The following FARS2 variants were observed in gnomAD, a reference collection of about 807,000 sequenced individuals.
The protein encoded by FARS2 is phenylalanyl-tRNA synthetase 2, mitochondrial, also known as phenylalanine--tRNA ligase, mitochondrial.
A neutral mutation model predicts 46.4 loss-of-function variants in FARS2; 40 were observed. The observed-to-expected ratio is 0.86, with a 90% confidence interval of 0.67 to 1.12. The LOEUF is 1.12. FARS2 is among the 50% of genes most tolerant of loss of function. The pLI, the probability that FARS2 is intolerant of heterozygous loss-of-function variation, is 0.00. For synonymous variants in FARS2, 234 were observed against 214.9 expected, an observed-to-expected ratio of 1.09 and a Z score of -0.78; for missense variants, 513 against 567.9, an observed-to-expected ratio of 0.90 and a Z score of 0.98.
At chr6:5,303,560 G>T (rs921307572) in intron 1 of FARS2, among the ~76,000 whole-genome samples, 1 of 151,972 alleles carries the variant, frequency 6.6e-6, no homozygotes, top group Non-Finnish European at 1.5e-5. Flanking sequence ...CCCTCCCCAC[G>T]ACTCTGTTTC....
chr6:5,582,560 C>T (rs1225054763), intron 5 of FARS2, among the ~76,000 whole-genome samples: 3 of 152,186 alleles, frequency 2.0e-5, no homozygotes, highest in African/African-American at 7.2e-5. Context: ...GTGGCCCATA[C>T]GAAATTGCTT....
intron 5 of FARS2, among the ~76,000 whole-genome samples, chr6:5,545,618 C>A (rs558421191): frequency 6.6e-6 from 1 of 152,148 alleles, no homozygotes; most frequent in East Asian, 1.9e-4. Context: ...TTGCCTGCCA[C>A]CCCGCAACAG....
At chr6:5,269,097 A>G (rs573893504) in intron 1 of FARS2, among the ~76,000 whole-genome samples, 2 of 152,328 alleles carry the variant, frequency 1.3e-5, no homozygotes, top group East Asian at 3.9e-4. Flanking sequence ...CCAAATGTCC[A>G]TCAATGATAG....
intron 1 of FARS2, among the ~76,000 whole-genome samples, chr6:5,341,606 T>A (rs1368429337): frequency 6.6e-6 from 1 of 151,664 alleles, no homozygotes; most frequent in Non-Finnish European, 1.5e-5. Context: ...ACAACCTCCA[T>A]CTCTCAGGTT....
intron 3 of FARS2, among the ~76,000 whole-genome samples, chr6:5,421,092 T>A (rs1282424196): frequency 1.3e-5 from 2 of 152,214 alleles, no homozygotes; most frequent in Non-Finnish European, 2.9e-5. Flanking sequence ...TGCCTGGGCA[T>A]CCAGGCATTT....
At chr6:5,500,425 A>T (rs1767722923) in intron 4 of FARS2, among the ~76,000 whole-genome samples, 1 of 152,212 alleles carries the variant, frequency 6.6e-6, no homozygotes, top group Non-Finnish European at 1.5e-5. Context: ...GAGGAGGAAG[A>T]CACCACATTA....
intron 4 of FARS2, 61 bp from the exon 5 acceptor site, chr6:5,545,119 G>A (rs1434844311): frequency 5.9e-6 from 9 of 1,515,654 alleles, no homozygotes; most frequent in Middle Eastern, 3.8e-4. Context: ...GTCAGGGAGT[G>A]GTATGAACCT....
At chr6:5,653,318 C>A (rs1000037523) in intron 6 of FARS2, among the ~76,000 whole-genome samples, 1 of 152,174 alleles carries the variant, frequency 6.6e-6, no homozygotes, top group Non-Finnish European at 1.5e-5. Context: ...GTACACTGAT[C>A]TACTGTAATC....
chr6:5,377,130 C>T (rs2127660562), intron 2 of FARS2, among the ~76,000 whole-genome samples: 1 of 152,332 alleles, frequency 6.6e-6, no homozygotes, highest in Non-Finnish European at 1.5e-5. Flanking sequence ...AAGTATTTGG[C>T]AGGCCCACCA....
chr6:5,342,339 G>C (rs1771714998), intron 1 of FARS2, among the ~76,000 whole-genome samples: 4 of 152,182 alleles, frequency 2.6e-5, no homozygotes, highest in African/African-American at 9.6e-5. Flanking sequence ...TTTGAAGACT[G>C]TGGTGCATTT....
At chr6:5,338,965 G>A (rs1771363466) in intron 1 of FARS2, among the ~76,000 whole-genome samples, 1 of 152,160 alleles carries the variant, frequency 6.6e-6, no homozygotes, top group Non-Finnish European at 1.5e-5. Context: ...ACAGGTATAT[G>A]CTTTTTGTTT....
At chr6:5,586,127 T>C (rs1773600810) in intron 5 of FARS2, among the ~76,000 whole-genome samples, 1 of 152,176 alleles carries the variant, frequency 6.6e-6, no homozygotes, top group African/African-American at 2.4e-5. Flanking sequence ...TGGTGACTCT[T>C]TAGAGTTTTC....
chr6:5,536,835 A>G (rs1219931133), intron 4 of FARS2, among the ~76,000 whole-genome samples: 1 of 152,222 alleles, frequency 6.6e-6, no homozygotes, highest in African/African-American at 2.4e-5. Flanking sequence ...GAATAGGCAC[A>G]AGAAGTTACA....
At chr6:5,671,657 A>C (rs1401676101) in intron 6 of FARS2, among the ~76,000 whole-genome samples, 1 of 152,062 alleles carries the variant, frequency 6.6e-6, no homozygotes, top group Non-Finnish European at 1.5e-5. Context: ...GAAAGGACTT[A>C]CTCCAAGAAC....
intron 2 of FARS2, among the ~76,000 whole-genome samples, chr6:5,402,796 A>C (rs1191057978): frequency 1.3e-5 from 2 of 152,152 alleles, no homozygotes; most frequent in Non-Finnish European, 2.9e-5. Context: ...GCATGCTTTT[A>C]CACCACTTTT....
At chr6:5,767,249 T>C (rs986163783) in intron 6 of FARS2, among the ~76,000 whole-genome samples, 1 of 151,956 alleles carries the variant, frequency 6.6e-6, no homozygotes, top group Non-Finnish European at 1.5e-5. Context: ...AGAGACGGGG[T>C]TTCACCATGT....
At chr6:5,702,945 A>G (rs1758532121) in intron 6 of FARS2, among the ~76,000 whole-genome samples, 1 of 152,140 alleles carries the variant, frequency 6.6e-6, no homozygotes, top group Non-Finnish European at 1.5e-5. Context: ...TTTCATATGA[A>G]GGGACTTTGG....
At chr6:5,414,069 G>T (rs1762084791) in intron 3 of FARS2, among the ~76,000 whole-genome samples, 1 of 152,068 alleles carries the variant, frequency 6.6e-6, no homozygotes, top group South Asian at 2.1e-4. Context: ...ATCTTTCTCT[G>T]GAAACTTACT....
chr6:5,457,014 G>A (rs1764926124), intron 4 of FARS2: 1 of 152,190 alleles, frequency 6.6e-6, no homozygotes, highest in African/African-American at 2.4e-5. Flanking sequence ...CATTTCAAAT[G>A]CCCGTGATCC....
Sources: gnomAD v4.1 joint callset for allele counts (sites outside exome capture counted in the v4.1 genomes callset) on GRCh38, gnomAD v4.1.1 for gene constraint, MANE v1.5 for transcripts, NCBI Gene and HGNC (gene_info 2026-07-23, HGNC 2026-07-21) for gene names.